Variants in SCARA3 observed in about 807,000 individuals in gnomAD.
SCARA3 encodes the protein scavenger receptor class A member 3, also known as cellular stress response gene protein.
SCARA3 carries 39 observed loss-of-function variants against 47.0 expected under a neutral mutation model. The observed-to-expected ratio is 0.83, with a 90% CI of 0.64 to 1.08. The LOEUF is 1.08. SCARA3 is among the 50% of genes least tolerant of loss of function. The probability of loss-of-function intolerance (pLI) is 0.00; values close to 1 mark genes in which losing one functional copy is unlikely to be tolerated. For missense variants in SCARA3, 724 were observed against 792.3 expected (o/e 0.91, Z 1.04); for synonymous variants, 356 against 334.1 (o/e 1.07, Z -0.71).
At chr8:27,714,497 G>T in the SCARA3 span, among the ~76,000 whole-genome samples, 1 of 152,062 alleles carries the variant, frequency 6.6e-6, no homozygotes, top group Admixed American at 6.5e-5. Context: ...CGGGCCTCAG[G>T]TATTTCTTTA....
At chr8:27,698,283 T>C in the SCARA3 span, among the ~76,000 whole-genome samples, 11 of 152,180 alleles carry the variant, frequency 7.2e-5, no homozygotes, top group Non-Finnish European at 1.5e-4. Context: ...TTTTTTTCTC[T>C]CTGAATTCTC....
the SCARA3 span, among the ~76,000 whole-genome samples, chr8:27,699,608 T>C: frequency 1.3e-5 from 2 of 152,068 alleles, no homozygotes; most frequent in Admixed American, 1.3e-4. Context: ...AAGAGTTCAG[T>C]TGGAGGGCCT....
In SCARA3 at chr8:27,651,659, A is replaced by G. The variant is rs10094133; in HGVS notation, c.226+32A>G. On this transcript the variant is annotated intron_variant, in intron 3 of 5. Coordinates refer to ENST00000301904, the MANE Select transcript of SCARA3 (RefSeq NM_016240.3). ...CCGGGGCTTTCCCACCCCGGGCTGC[A>G]GGGGGGTGTCTGATCAGGGATCCAG... 14,846 of 1,610,612 alleles carry G rather than the reference A, an allele frequency of 9.2e-3. 935 individuals carry two copies. The African/African-American group carries it at 0.15, about 16-fold the overall frequency.
chr8:27,725,150 T>TAAA, the SCARA3 span, among the ~76,000 whole-genome samples: 1 of 152,054 alleles, frequency 6.6e-6, no homozygotes, highest in East Asian at 1.9e-4. Flanking sequence ...ACCCTGTCTC[T>TAAA]AAAACAAACA....
the SCARA3 span, among the ~76,000 whole-genome samples, chr8:27,704,078 C>A: frequency 4.6e-5 from 7 of 151,340 alleles, no homozygotes; most frequent in Admixed American, 3.3e-4. Context: ...GAAAGAGGAA[C>A]ATCCAAAGTA....
the SCARA3 span, among the ~76,000 whole-genome samples, chr8:27,692,377 G>A: frequency 3.3e-5 from 5 of 149,696 alleles, no homozygotes; most frequent in African/African-American, 7.4e-5. Context: ...CTGAGATCAC[G>A]TCATTGCCCT....
At chr8:27,700,748 C>T in the SCARA3 span, among the ~76,000 whole-genome samples, 1 of 152,102 alleles carries the variant, frequency 6.6e-6, no homozygotes, top group African/African-American at 2.4e-5. Context: ...CTCTGAGATA[C>T]CACTAGAATG....
At chr8:27,646,701 A>G (rs1255617085) in intron 1 of SCARA3, among the ~76,000 whole-genome samples, 1 of 152,116 alleles carries the variant, frequency 6.6e-6, no homozygotes, top group African/African-American at 2.4e-5. Flanking sequence ...GGCCATGGCT[A>G]CTAGGGTGAG....
the SCARA3 span, among the ~76,000 whole-genome samples, chr8:27,715,865 C>G: frequency 9.5e-4 from 86 of 90,072 alleles, no homozygotes; most frequent in African/African-American, 2.9e-3. The surrounding 1 kb of genome is among the most constrained non-coding windows in gnomAD (Gnocchi z 4.2). Context: ...TAGATAGATA[C>G]ATAGATAGAT....
the SCARA3 span, among the ~76,000 whole-genome samples, chr8:27,692,074 A>T: frequency 8.5e-5 from 13 of 152,132 alleles, no homozygotes; most frequent in African/African-American, 3.1e-4. Flanking sequence ...ATACCTCATT[A>T]TACCCTCCTC....
chr8:27,714,010 C>T, the SCARA3 span, among the ~76,000 whole-genome samples: 2 of 152,022 alleles, frequency 1.3e-5, no homozygotes, highest in Non-Finnish European at 2.9e-5. Flanking sequence ...CCTCTTCACT[C>T]TCTCTTGCTC....
At chr8:27,717,877 G>A in the SCARA3 span, among the ~76,000 whole-genome samples, 1 of 152,084 alleles carries the variant, frequency 6.6e-6, no homozygotes, top group Admixed American at 6.5e-5. Flanking sequence ...CCTTAGCACG[G>A]CGTTAAGTCA....
At chr8:27,712,467 G>C in the SCARA3 span, among the ~76,000 whole-genome samples, 1 of 148,872 alleles carries the variant, frequency 6.7e-6, no homozygotes, top group South Asian at 2.1e-4. Flanking sequence ...GGAGGCTGAG[G>C]CAGGAGAATG....
chr8:27,706,492 A>G, the SCARA3 span, among the ~76,000 whole-genome samples: 5 of 152,048 alleles, frequency 3.3e-5, no homozygotes, highest in Non-Finnish European at 5.9e-5. Context: ...TCTACACTTG[A>G]ATGAAGGTTT....
intron 1 of SCARA3, among the ~76,000 whole-genome samples, chr8:27,647,772 G>A (rs1361692705): frequency 1.3e-5 from 2 of 152,182 alleles, no homozygotes; most frequent in Non-Finnish European, 2.9e-5. Context: ...CGTGAAGGCC[G>A]AGCAGAGGGC....
At chr8:27,697,782 T>C in the SCARA3 span, among the ~76,000 whole-genome samples, 1 of 152,164 alleles carries the variant, frequency 6.6e-6, no homozygotes, top group African/African-American at 2.4e-5. Context: ...TTTCACTTGG[T>C]TCTCACTCTC....
chr8:27,665,703 A>G (rs1275579893), intron 5 of SCARA3, among the ~76,000 whole-genome samples: 1 of 152,200 alleles, frequency 6.6e-6, no homozygotes, highest in Admixed American at 6.5e-5. Context: ...ATCTGCGAAT[A>G]GAAATATTAA....
At chr8:27,647,787 G>A (rs1341523606) in intron 1 of SCARA3, among the ~76,000 whole-genome samples, 1 of 152,202 alleles carries the variant, frequency 6.6e-6, no homozygotes, top group African/African-American at 2.4e-5. Context: ...GAGGGCACTC[G>A]TGGTCTTGAT....
chr8:27,666,954 G>T (rs1431371185), intron 5 of SCARA3, among the ~76,000 whole-genome samples: 3 of 152,058 alleles, frequency 2.0e-5, no homozygotes, highest in Non-Finnish European at 4.4e-5. Context: ...AATCATGGCC[G>T]CCCCCCTCCA....
Sources: gnomAD v4.1 joint callset for allele counts (sites outside exome capture counted in the v4.1 genomes callset) on GRCh38, gnomAD v4.1.1 for gene constraint, Gnocchi (gnomAD v3.1) non-coding constraint, MANE v1.5 for transcripts, NCBI Gene and HGNC (gene_info 2026-07-23, HGNC 2026-07-21) for gene names.